The following MSTN variants were observed in gnomAD, a reference collection of about 807,000 sequenced individuals.
The protein encoded by MSTN is growth/differentiation factor 8.
Under a neutral mutation model 32.3 loss-of-function variants are expected in MSTN, and 12 were observed. The ratio of observed to expected loss-of-function variants is 0.37; its 90% CI spans 0.24 to 0.60. The LOEUF (loss-of-function observed/expected upper bound fraction) is 0.60. Ranked by LOEUF, MSTN falls within the 20% of genes least tolerant of loss-of-function variation. The probability of loss-of-function intolerance (pLI) is 0.67; values close to 1 mark genes in which losing one functional copy is unlikely to be tolerated. For missense variants in MSTN, 403 were observed against 450.3 expected, an observed-to-expected ratio of 0.89 and a Z score of 0.95; for synonymous variants, 168 against 155.1, an observed-to-expected ratio of 1.08 and a Z score of -0.62.
At chr2:190,059,507 T>C (rs184181942) in intron 2 of MSTN, among the ~76,000 whole-genome samples, 3 of 152,100 alleles carry the variant, frequency 2.0e-5, no homozygotes, top group African/African-American at 7.2e-5. Context: ...ATCAACATCC[T>C]ACAAATAATG....
At chr2:190,059,966 A>G in intron 2 of MSTN, 96 bp downstream of exon 2, 1 of 1,323,372 alleles carries the variant, frequency 7.6e-7, no homozygotes, top group Non-Finnish European at 1.1e-6. Flanking sequence ...CTAGCTTATG[A>G]GCTTAGGGAA....
In MSTN at chr2:190,056,999, T is replaced by C. The variant is rs578136956; in HGVS notation, c.*259A>G. The C allele has an allele frequency of 2.6e-4, 116 of 447,858 alleles. No homozygotes were observed. Among genetic ancestry groups the C allele is most frequent in the Non-Finnish European group, 3.8e-4 (96 of 249,518 alleles). The allele number at this position is 447,858 out of a possible 1,614,324, so 27.7% of individuals were successfully genotyped here. A position where few individuals can be genotyped will look rare whatever the true frequency, so the allele number is the denominator to read the frequency against. ...ATTTCCTCGCCGATGTTGTAATATA[T>C]AGGAACATAAATGTAATTTGATCTC... On this transcript the variant is annotated 3_prime_UTR_variant, in exon 3 of 3. Coordinates refer to ENST00000260950, the MANE Select transcript of MSTN (RefSeq NM_005259.3).
At position 190,057,766 on chromosome 2, in the gene MSTN, G is replaced by A. The variant is rs138328192; in HGVS notation, c.748-128C>T. ...CTCATACCACATTTATTTTTAAAAG[G>A]CACAGCATTAAGGAATGTTAATTTA... On this transcript the variant is annotated intron_variant, in intron 2 of 2. Coordinates refer to ENST00000260950, the MANE Select transcript of MSTN (RefSeq NM_005259.3). The A allele has an allele frequency of 4.2e-3, 3,990 of 950,896 alleles. 97 individuals are homozygous for A. The African/African-American group carries it at 0.056, about 13-fold the overall frequency. The allele number at this position is 950,896 out of a possible 1,614,324, so 58.9% of individuals were successfully genotyped here.
rs754970235 is a variant in MSTN, at chr2:190,057,573, G to T, written c.813C>A (p.Asp271Glu). ...GTGATTCTGTTGAGTGCTCATCACA[G>T]TCAAGACCAAAATCCCTTCTGGATC... The part of the protein sequence containing the change: ...PKRSRRDFGL[D>E]CDEHSTESRC... The change falls in exon 3 of 3, where the codon GAC (aspartate) becomes GAA (glutamate). Residue 271 changes from aspartate (D) to glutamate (E), a missense_variant. By Grantham distance (45) the Asp-to-Glu change is conservative (BLOSUM62 2). Transcript: ENST00000260950. 6.2e-7 allele frequency: 1 copy of T among 1,613,400 alleles called. No individual in the cohort carries two copies. The highest frequency in any genetic ancestry group is 2.2e-5 in the East Asian group (1 of 44,878).
rs1479658661 is a variant in MSTN, at chr2:190,057,387, T to G, written c.999A>C (p.Arg333Ser). The G allele has an allele frequency of 6.2e-7, 1 of 1,613,686 alleles. No individual in the cohort carries two copies. The highest frequency in any genetic ancestry group is 1.1e-5 in the South Asian group (1 of 91,068). The stretch of plus-strand genomic sequence containing the variant: ...GAGTACAGCAAGGGCCTGCTGAACC[T>G]CTGGGGTTTGCTTGGTGTACCAGAT... ...HTHLVHQANP[R>S]GSAGPCCTPT... is the part of the protein sequence containing the mutation. Residue 333 changes from arginine (R) to serine (S), a missense_variant, in exon 3 of 3, where the codon AGA becomes AGC. By Grantham distance (110) the Arg-to-Ser change is moderately radical. Transcript: ENST00000260950.
rs556280896 is a variant in MSTN at position 190,057,681 on chromosome 2, G to A, written c.748-43C>T. 2.8e-5 allele frequency: 45 copies of A among 1,603,254 alleles called. 1 individual carries two copies. The South Asian group carries it at 4.9e-4, about 17-fold the overall frequency. On this transcript the variant is annotated intron_variant, in intron 2 of 2. Transcript: ENST00000260950. ...AACAATCAGTAATATCAATAGGCCT[G>A]GAAACACTTTTCTACCTACCTTAAG...
In MSTN at chr2:190,059,201, A is replaced by G. The variant is rs1226775296; in HGVS notation, c.747+861T>C. On this transcript the variant is annotated intron_variant, in intron 2 of 2. Coordinates refer to ENST00000260950, the MANE Select transcript of MSTN (RefSeq NM_005259.3). ...CTTCTTTTGTAAATTATATCAATAG[A>G]TGAACGTAAAAAGATGTGATCACAT... 5.9e-5 allele frequency among the ~76,000 whole-genome samples: 9 copies of G among 151,980 alleles called. No individual in the cohort carries two copies. In the East Asian group the frequency reaches 1.7e-3, roughly 29 times the overall value.
Position 190,060,451 on chromosome 2 carries a change from A to G in MSTN, c.374-16T>C, listed in dbSNP as rs568057853. 6.2e-7 allele frequency: 1 copy of G among 1,600,016 alleles called. No individual in the cohort carries two copies. Among genetic ancestry groups the G allele is most frequent in the African/African-American group, 1.3e-5 (1 of 74,144 alleles). On this transcript the variant is annotated splice_polypyrimidine_tract_variant and intron_variant, in intron 1 of 2. Coordinates refer to ENST00000260950, the MANE Select transcript of MSTN (RefSeq NM_005259.3). ...AGAAAATCAGCTATAAATGAATAAG[A>G]AAAGAAAAGTTGCTGAAATTATTTC...
chr2:190,057,667 A>T, intron 2 of MSTN, 29 bp from the exon 3 acceptor site: 1 of 1,610,958 alleles, frequency 6.2e-7, no homozygotes. Context: ...ACAATCAGTA[A>T]TATCAATAGG....
At chr2:190,058,499 T>C (rs974566318) in intron 2 of MSTN, among the ~76,000 whole-genome samples, 2 of 151,948 alleles carry the variant, frequency 1.3e-5, no homozygotes, top group African/African-American at 2.4e-5. Flanking sequence ...AAGTAGCATA[T>C]ATAAAGGAAA....
At chr2:190,061,648 C>T (rs1559410160) in intron 1 of MSTN, among the ~76,000 whole-genome samples, 1 of 151,920 alleles carries the variant, frequency 6.6e-6, no homozygotes, top group African/African-American at 2.4e-5. Flanking sequence ...CATTATTGTT[C>T]TTACTAACAC....
chr2:190,058,768 T>C (rs769721669), intron 2 of MSTN, among the ~76,000 whole-genome samples: 40 of 152,130 alleles, frequency 2.6e-4, no homozygotes, highest in Admixed American at 7.9e-4. Flanking sequence ...CATACGTTCT[T>C]ACTTACAAGT....
At chr2:190,058,900 G>C (rs1025854615) in intron 2 of MSTN, among the ~76,000 whole-genome samples, 1 of 151,696 alleles carries the variant, frequency 6.6e-6, no homozygotes. Context: ...TGGAGTGATG[G>C]GTGCACTAAA....
chr2:190,057,421 G>T lies in MSTN; in HGVS notation c.965C>A (p.Pro322His). 1.2e-6 allele frequency: 2 copies of T among 1,613,516 alleles called. No homozygotes were observed. The highest frequency in any genetic ancestry group is 1.7e-6 in the Non-Finnish European group (2 of 1,179,594). ...TGCTTGGTGTACCAGATGAGTATGA[G>T]GATATTTTTGTAAAAATACAAATTC... The part of the protein sequence containing the change: ...ECEFVFLQKY[P>H]HTHLVHQANP... Residue 322 changes from proline to histidine, a missense_variant, in exon 3 of 3, where the codon CCT becomes CAT. Coordinates refer to ENST00000260950, the MANE Select transcript of MSTN (RefSeq NM_005259.3).
intron 2 of MSTN, among the ~76,000 whole-genome samples, 172 bp downstream of exon 2, chr2:190,059,890 A>G (rs1559409226): frequency 6.6e-6 from 1 of 151,994 alleles, no homozygotes. Context: ...AGTGTTTCAT[A>G]GGATATGAAA....
rs761053215 is a variant in MSTN, at chr2:190,057,324, A to G, written c.1062T>C (p.Asn354=). Residue 354 remains asparagine, a synonymous_variant, in exon 3 of 3, where the codon AAT becomes AAC. Coordinates refer to ENST00000260950, the MANE Select transcript of MSTN (RefSeq NM_005259.3). The stretch of plus-strand genomic sequence containing the variant: ...TCCCATATATTATTTGTTCTTTGCC[A>G]TTAAAATATAGCATATTAATTGGAG... ...KMSPINMLYF[N]GKEQIIYGKI... The G allele has an allele frequency of 4.3e-5, 70 of 1,613,374 alleles. No homozygotes were observed. Among genetic ancestry groups the G allele is most frequent in the Middle Eastern group, 1.6e-4 (1 of 6,080 alleles).
chr2:190,056,935 A>C lies in MSTN; in HGVS notation c.*323T>G, dbSNP rs967909119. Reference sequence around the variant, plus strand: ...TTTAAAGAAATAGACTTTAAAGCATACTCCTTTAATTCATCAGAACTCAAG... The same window carrying C: ...TTTAAAGAAATAGACTTTAAAGCATCCTCCTTTAATTCATCAGAACTCAAG... On this transcript the variant is annotated 3_prime_UTR_variant, in exon 3 of 3. Transcript: ENST00000260950. The C allele has an allele frequency of 1.6e-4, 46 of 284,994 alleles. No individual in the cohort carries two copies. The highest frequency in any genetic ancestry group is 2.0e-4 in the Non-Finnish European group (30 of 150,180). The allele number at this position is 284,994 out of a possible 1,614,324, so 17.7% of individuals were successfully genotyped here. A position where few individuals can be genotyped will look rare whatever the true frequency, so the allele number is the denominator to read the frequency against.
intron 1 of MSTN, among the ~76,000 whole-genome samples, chr2:190,061,415 T>A (rs1346299815): frequency 6.6e-6 from 1 of 151,964 alleles, no homozygotes; most frequent in African/African-American, 2.4e-5. Context: ...GCAGTGTAGA[T>A]ACTACAGGTA....
intron 1 of MSTN, among the ~76,000 whole-genome samples, 176 bp from the exon 2 acceptor site, chr2:190,060,611 C>A (rs1219517593): frequency 6.6e-6 from 1 of 151,824 alleles, no homozygotes; most frequent in Non-Finnish European, 1.5e-5. Context: ...AAATAATTAC[C>A]CTAGCTTTTC....
Sources: gnomAD v4.1 joint callset for allele counts (sites outside exome capture counted in the v4.1 genomes callset) on GRCh38, gnomAD v4.1.1 for gene constraint, MANE v1.5 for transcripts, NCBI Gene and HGNC (gene_info 2026-07-23, HGNC 2026-07-21) for gene names.